Variants in ROBO2 observed in about 807,000 individuals in gnomAD.
ROBO2 encodes the protein roundabout guidance receptor 2.
A neutral mutation model predicts 160.8 loss-of-function variants in ROBO2; 53 were observed. The observed-to-expected ratio is 0.33, with a 90% CI of 0.26 to 0.41. ROBO2 has a LOEUF of 0.41. Ranked by LOEUF, ROBO2 falls within the 10% of genes least tolerant of loss-of-function variation. ROBO2 has a pLI of 1.00. For synonymous variants in ROBO2, 664 were observed against 611.7 expected, an observed-to-expected ratio of 1.09 and a Z score of -1.26; for missense variants, 1,577 against 1,722.4, an observed-to-expected ratio of 0.92 and a Z score of 1.49.
At chr3:75,922,543 G>A (rs1438495384) in intron 1 of ROBO2, among the ~76,000 whole-genome samples, 2 of 151,858 alleles carry the variant, frequency 1.3e-5, no homozygotes, top group African/African-American at 4.8e-5. Flanking sequence ...TAAATGATTA[G>A]TAGTCCAATA....
rs537619819 is a variant in ROBO2, at chr3:77,245,517, G to C, written c.388+147177G>C. Among the ~76,000 whole-genome samples, 6 of 152,290 alleles carry C rather than the reference G, an allele frequency of 3.9e-5. No homozygotes were observed. The East Asian group carries it at 1.2e-3, about 29-fold the overall frequency. ...TATCTCCAGAATTGGGTCTGGTTAC[G>C]TGAGAAACTTTGGAAGGTAATAACT... On this transcript the variant is annotated intron_variant, in intron 2 of 25. Coordinates refer to ENST00000461745, the Ensembl canonical transcript of ROBO2.
Position 77,125,453 on chromosome 3 carries a change from A to G in ROBO2, c.388+27113A>G, listed in dbSNP as rs1338386456. Among the ~76,000 whole-genome samples, 3 of 152,152 alleles carry G rather than the reference A, an allele frequency of 2.0e-5. No individual in the cohort carries two copies. The East Asian group carries it at 5.8e-4, about 29-fold the overall frequency. ...TGTGGTGCTATTGCTTTAGTATTCT[A>G]AGATTAACTCTGCTGAATTTGGGGG... is the stretch of plus-strand genomic sequence containing the variant. On this transcript the variant is annotated intron_variant, in intron 2 of 25. Transcript: ENST00000461745.
intron 2 of ROBO2, among the ~76,000 whole-genome samples, chr3:76,240,252 G>A (rs1257483553): frequency 2.6e-5 from 4 of 152,012 alleles, no homozygotes; most frequent in African/African-American, 9.7e-5. Flanking sequence ...ATCTACATTA[G>A]GTATTTGTCC....
intron 2 of ROBO2, among the ~76,000 whole-genome samples, chr3:77,154,438 A>C (rs1228628138): frequency 6.6e-6 from 1 of 152,068 alleles, no homozygotes; most frequent in African/African-American, 2.4e-5. Flanking sequence ...GTTCACCACT[A>C]TGGAAAGTAG....
intron 2 of ROBO2, among the ~76,000 whole-genome samples, chr3:77,216,194 C>T (rs1431869690): frequency 3.3e-5 from 5 of 152,222 alleles, no homozygotes; most frequent in Non-Finnish European, 7.3e-5. Context: ...CAGAGGCACA[C>T]AGGCCTCCTT....
chr3:77,267,236 C>T lies in ROBO2; in HGVS notation c.388+168896C>T, dbSNP rs569763983. ...CCCAAGTTCAAAGGTTCTCTCTACA[C>T]GTAAGCGGTAGTCAAAAATATTAGT... On this transcript the variant is annotated intron_variant, in intron 2 of 25. Transcript: ENST00000461745. 7.9e-5 allele frequency among the ~76,000 whole-genome samples: 12 copies of T among 152,212 alleles called. No homozygotes were observed. In the East Asian group the frequency reaches 1.9e-3, roughly 25 times the overall value.
At chr3:76,337,260 CATAGAAA>C (rs2073951936) in intron 2 of ROBO2, among the ~76,000 whole-genome samples, 1 of 152,096 alleles carries the variant, frequency 6.6e-6, no homozygotes, top group African/African-American at 2.4e-5. Context: ...ACTCAAGTGA[CATAGAAA>C]ATAACAGCTC....
At chr3:76,227,097 T>C (rs1343347033) in intron 2 of ROBO2, among the ~76,000 whole-genome samples, 1 of 152,320 alleles carries the variant, frequency 6.6e-6, no homozygotes. Flanking sequence ...CTACAGTGAA[T>C]CTGGAATGGT....
At chr3:77,477,566 A>T (rs376057846) in exon 3 of ROBO2, 13 of 1,613,930 alleles carry the variant, frequency 8.1e-6, no homozygotes, top group Non-Finnish European at 1.1e-5. Flanking sequence ...GGAAGAAAGA[A>T]TAAGTGTGAG....
intron 2 of ROBO2, among the ~76,000 whole-genome samples, chr3:76,858,087 GCTCCCAGCATAGCACTCGCTAGTACA>G (rs1294543381): frequency 3.3e-5 from 5 of 151,538 alleles, no homozygotes; most frequent in Admixed American, 1.3e-4. Flanking sequence ...ACCCTAGTAC[GCTCCCAGCATAGCACTCGCTAGTACA>G]CTCCCAGCAC....
At chr3:76,062,898 T>A (rs182025796) in intron 2 of ROBO2, among the ~76,000 whole-genome samples, 1 of 152,268 alleles carries the variant, frequency 6.6e-6, no homozygotes, top group Non-Finnish European at 1.5e-5. Flanking sequence ...AAATCATGTA[T>A]GTTGGAGTTA....
intron 2 of ROBO2, among the ~76,000 whole-genome samples, chr3:76,369,554 A>G (rs1178938389): frequency 1.3e-5 from 2 of 151,928 alleles, no homozygotes; most frequent in East Asian, 1.9e-4. Flanking sequence ...TGCCAGCTAT[A>G]TATCTCTGAG....
chr3:76,333,273 C>A (rs1443594103), intron 2 of ROBO2, among the ~76,000 whole-genome samples: 1 of 152,110 alleles, frequency 6.6e-6, no homozygotes, highest in Non-Finnish European at 1.5e-5. Flanking sequence ...GATAATGTAT[C>A]TAAAATGCCT....
At chr3:76,396,889 C>G (rs914673037) in intron 2 of ROBO2, among the ~76,000 whole-genome samples, 7 of 152,094 alleles carry the variant, frequency 4.6e-5, no homozygotes, top group Non-Finnish European at 7.4e-5. Context: ...GTGGAAATGG[C>G]CATACTGCCC....
chr3:77,219,109 C>T (rs58546924), intron 2 of ROBO2, among the ~76,000 whole-genome samples: 5,376 of 151,930 alleles, frequency 0.035, 114 homozygotes, highest in Middle Eastern at 0.058. Context: ...GCTGGGATTA[C>T]AGGTGCCTAC....
chr3:76,061,936 T>C (rs891830697), intron 2 of ROBO2, among the ~76,000 whole-genome samples: 2 of 152,172 alleles, frequency 1.3e-5, no homozygotes, highest in Non-Finnish European at 2.9e-5. Context: ...AACATTGTTC[T>C]CTCTGTTTCT....
chr3:76,656,568 A>T (rs1469811204), intron 2 of ROBO2, among the ~76,000 whole-genome samples: 1 of 152,170 alleles, frequency 6.6e-6, no homozygotes, highest in East Asian at 1.9e-4. Context: ...AAAAATGCTC[A>T]GAATCGAAAG....
intron 2 of ROBO2, among the ~76,000 whole-genome samples, chr3:76,929,592 A>AGAC (rs1229706229): frequency 4.6e-5 from 7 of 152,212 alleles, no homozygotes; most frequent in African/African-American, 1.7e-4. Context: ...TCAAAACAGC[A>AGAC]GACAAGATGA....
chr3:76,019,789 C>A (rs1002754079), intron 2 of ROBO2, among the ~76,000 whole-genome samples: 2 of 150,804 alleles, frequency 1.3e-5, no homozygotes. Flanking sequence ...TGCATTATGG[C>A]CTCCCCACAT....
Sources: allele counts gnomAD v4.1 joint callset (sites outside exome capture counted in the v4.1 genomes callset), GRCh38; gene constraint gnomAD v4.1.1; transcripts MANE v1.5; gene names NCBI Gene and HGNC (gene_info 2026-07-23, HGNC 2026-07-21).